Variants in TAFA4 observed in about 807,000 individuals in gnomAD.
TAFA4 encodes the protein chemokine-like protein TAFA-4.
A neutral mutation model predicts 21.1 loss-of-function variants in TAFA4; 20 were observed. The ratio of observed to expected loss-of-function variants is 0.95; its 90% CI spans 0.67 to 1.38. TAFA4 has a LOEUF of 1.38. TAFA4 is among the 40% of genes most tolerant of loss of function. The probability of loss-of-function intolerance (pLI) is 0.00; values close to 1 mark genes in which losing one functional copy is unlikely to be tolerated. For missense variants in TAFA4, 211 were observed against 180.9 expected (o/e 1.17, Z -0.95); for synonymous variants, 71 against 67.4 (o/e 1.05, Z -0.26).
chr3:68,767,948 T>TTA lies in TAFA4; in HGVS notation c.131-14931_131-14930insTA, dbSNP rs535696753. 5.7e-3 allele frequency among the ~76,000 whole-genome samples: 864 copies of TTA among 150,500 alleles called. 9 individuals carry two copies. The highest frequency in any genetic ancestry group is 0.019 in the African/African-American group (801 of 41,094). On this transcript the variant is annotated intron_variant, in intron 3 of 5. Coordinates refer to ENST00000295569, the MANE Select transcript of TAFA4 (RefSeq NM_182522.5). ...TATACTGCTAAGGTTATTTTCAGGTTAAAAAAAAAATCAAATCTTTATTTG... is the reference window on the plus strand; with the variant it reads ...TATACTGCTAAGGTTATTTTCAGGTTTAAAAAAAAAAATCAAATCTTTATTTG...
chr3:68,832,970 C>A (rs1704435816), intron 3 of TAFA4, among the ~76,000 whole-genome samples: 1 of 152,256 alleles, frequency 6.6e-6, no homozygotes, highest in Admixed American at 6.5e-5. Context: ...GACTGCTGTG[C>A]TACCAGCGAG....
At chr3:68,861,035 C>CA (rs1207341624) in intron 3 of TAFA4, among the ~76,000 whole-genome samples, 4 of 130,484 alleles carry the variant, frequency 3.1e-5, no homozygotes, top group South Asian at 6.3e-4. Flanking sequence ...TATGCACCCC[C>CA]CCCCCGCCCC....
At chr3:68,851,566 A>T (rs140927941) in intron 3 of TAFA4, among the ~76,000 whole-genome samples, 2 of 152,122 alleles carry the variant, frequency 1.3e-5, no homozygotes, top group Admixed American at 6.6e-5. Flanking sequence ...AAAGAGAGAG[A>T]TATTTTAGCC....
chr3:68,910,436 C>A (rs1181232336), intron 1 of TAFA4, among the ~76,000 whole-genome samples: 1 of 152,182 alleles, frequency 6.6e-6, no homozygotes, highest in East Asian at 1.9e-4. Flanking sequence ...TAACCAGAGT[C>A]AGGTCTGTCT....
At position 68,738,763 on chromosome 3, in the gene TAFA4, G is replaced by C. The variant is rs1421894432; in HGVS notation, c.411+312C>G. The stretch of plus-strand genomic sequence containing the variant: ...TCATCTGGATGTGGATTCTTGTCAT[G>C]GTGTTTTGATACATTGGCCTGTCGA... On this transcript the variant is annotated intron_variant, in intron 5 of 5. Coordinates refer to ENST00000295569, the MANE Select transcript of TAFA4 (RefSeq NM_182522.5). Among the ~76,000 whole-genome samples, 3 of 152,276 alleles carry C rather than the reference G, an allele frequency of 2.0e-5. No homozygotes were observed. The East Asian group carries it at 5.8e-4, about 29-fold the overall frequency.
chr3:68,763,290 A>G (rs1291027546), intron 3 of TAFA4, among the ~76,000 whole-genome samples: 1 of 152,306 alleles, frequency 6.6e-6, no homozygotes, highest in East Asian at 1.9e-4. Context: ...AGGATGATAT[A>G]TTAGACTATA....
rs1275846722 is a variant in TAFA4 at position 68,732,443 on chromosome 3, G to A, written c.*699C>T. 6.6e-6 allele frequency: 1 copy of A among 152,388 alleles called. No individual in the cohort carries two copies. Among genetic ancestry groups the A allele is most frequent in the Admixed American group, 6.6e-5 (1 of 15,250 alleles). The allele number at this position is 152,388 out of a possible 1,614,324, so 9.4% of individuals were successfully genotyped here. On this transcript the variant is annotated 3_prime_UTR_variant, in exon 6 of 6. Coordinates refer to ENST00000295569, the MANE Select transcript of TAFA4 (RefSeq NM_182522.5). ...GATAGAGCTTTGGTTATAAAATATT[G>A]GAATTGATATGCTTCCTTAGCACTC...
chr3:68,759,395 A>G (rs1247614876), intron 3 of TAFA4, among the ~76,000 whole-genome samples: 1 of 152,246 alleles, frequency 6.6e-6, no homozygotes, highest in Non-Finnish European at 1.5e-5. Flanking sequence ...GATGTCTTAC[A>G]ACCATGTATG....
At chr3:68,887,425 T>G (rs776974472) in intron 1 of TAFA4, among the ~76,000 whole-genome samples, 2 of 151,796 alleles carry the variant, frequency 1.3e-5, no homozygotes, top group African/African-American at 2.4e-5. Flanking sequence ...CAGGCTGGAG[T>G]TGTACACCTG....
At chr3:68,769,167 C>A (rs1044707198) in intron 3 of TAFA4, among the ~76,000 whole-genome samples, 1 of 152,096 alleles carries the variant, frequency 6.6e-6, no homozygotes, top group Non-Finnish European at 1.5e-5. Flanking sequence ...ACTGCCTGAG[C>A]ACTGCCTCCT....
At chr3:68,734,359 TTAATAATA>T (rs1455511888) in intron 5 of TAFA4, among the ~76,000 whole-genome samples, 1 of 151,974 alleles carries the variant, frequency 6.6e-6, no homozygotes, top group Non-Finnish European at 1.5e-5. Flanking sequence ...ACAGGTAAAA[TTAATAATA>T]TGGGCAATGG....
chr3:68,770,861 G>T (rs2106782167), intron 3 of TAFA4, among the ~76,000 whole-genome samples: 1 of 152,314 alleles, frequency 6.6e-6, no homozygotes, highest in Admixed American at 6.5e-5. Flanking sequence ...AGGCATTTCT[G>T]TTTTTGTGCC....
At chr3:68,774,785 C>A (rs1703020251) in intron 3 of TAFA4, among the ~76,000 whole-genome samples, 1 of 151,998 alleles carries the variant, frequency 6.6e-6, no homozygotes, top group Admixed American at 6.5e-5. Context: ...GTAAGAAAGC[C>A]CTTTCTAATC....
At chr3:68,924,599 T>C (rs1007528184) in intron 1 of TAFA4, among the ~76,000 whole-genome samples, 3 of 152,190 alleles carry the variant, frequency 2.0e-5, no homozygotes, top group Non-Finnish European at 1.5e-5. Flanking sequence ...GCCACTGAAA[T>C]GTACACTTGA....
At chr3:68,832,516 G>A (rs565585458) in intron 3 of TAFA4, among the ~76,000 whole-genome samples, 152 of 152,308 alleles carry the variant, frequency 1.0e-3, no homozygotes, top group African/African-American at 3.6e-3. Context: ...AGCAGAGGCT[G>A]CAGAAAAGCA....
At chr3:68,769,243 G>A (rs577235202) in intron 3 of TAFA4, among the ~76,000 whole-genome samples, 1 of 152,284 alleles carries the variant, frequency 6.6e-6, no homozygotes, top group African/African-American at 2.4e-5. Flanking sequence ...CTGATGATCT[G>A]TCACTGTCTC....
chr3:68,911,444 A>T (rs1175656794), intron 1 of TAFA4, among the ~76,000 whole-genome samples: 1 of 152,234 alleles, frequency 6.6e-6, no homozygotes, highest in Non-Finnish European at 1.5e-5. Context: ...GTCCCATGCT[A>T]GCTCATTTAC....
chr3:68,834,898 G>C (rs937566146), intron 3 of TAFA4, among the ~76,000 whole-genome samples: 1 of 152,074 alleles, frequency 6.6e-6, no homozygotes, highest in East Asian at 1.9e-4. Context: ...ATGAGTCTCT[G>C]TTTCTGCTCT....
chr3:68,920,359 AT>A (rs1444942365), intron 1 of TAFA4, among the ~76,000 whole-genome samples: 1 of 152,240 alleles, frequency 6.6e-6, no homozygotes, highest in Admixed American at 6.5e-5. Flanking sequence ...ATATTTTGAT[AT>A]TTTCACATTA....
Sources: allele counts gnomAD v4.1 joint callset (sites outside exome capture counted in the v4.1 genomes callset), GRCh38; gene constraint gnomAD v4.1.1; transcripts MANE v1.5; gene names NCBI Gene and HGNC (gene_info 2026-07-23, HGNC 2026-07-21).